INSYN2B: variants seen among roughly 807,000 people sequenced by gnomAD.
INSYN2B encodes inhibitory synaptic factor family member 2B, also known as protein INSYN2B.
In INSYN2B, 16 loss-of-function variants were observed where a neutral mutation model predicts 41.2. The observed-to-expected ratio is 0.39, with a 90% CI of 0.26 to 0.59. INSYN2B has a LOEUF of 0.59. Among genes scored for constraint, INSYN2B ranks in the 20% least tolerant of loss-of-function variants. INSYN2B has a pLI of 0.57. For synonymous variants in INSYN2B, 245 were observed against 244.4 expected, an observed-to-expected ratio of 1.00 and a Z score of -0.02; for missense variants, 608 against 646.4, an observed-to-expected ratio of 0.94 and a Z score of 0.64.
intron 1 of INSYN2B, among the ~76,000 whole-genome samples, chr5:169,886,840 C>G (rs1772998905): frequency 6.6e-6 from 1 of 152,170 alleles, no homozygotes; most frequent in Admixed American, 6.5e-5. Flanking sequence ...AACGATAACT[C>G]ACACAGGCTA....
chr5:169,950,345 G>A (rs964312574), intron 1 of INSYN2B, among the ~76,000 whole-genome samples: 2 of 152,192 alleles, frequency 1.3e-5, no homozygotes, highest in African/African-American at 4.8e-5. Flanking sequence ...TATATGCAAA[G>A]CGCTTAGTGT....
intron 1 of INSYN2B, among the ~76,000 whole-genome samples, chr5:169,919,270 G>A (rs933649162): frequency 2.6e-5 from 4 of 152,140 alleles, no homozygotes; most frequent in African/African-American, 9.7e-5. Flanking sequence ...GCAGAGGTGG[G>A]GCCCAAATGA....
At chr5:169,933,011 A>G (rs1328250879) in intron 1 of INSYN2B, among the ~76,000 whole-genome samples, 1 of 152,218 alleles carries the variant, frequency 6.6e-6, no homozygotes, top group Non-Finnish European at 1.5e-5. Flanking sequence ...ATTCTCTGCA[A>G]AGAAATGGTT....
At chr5:169,932,860 C>T (rs1034315184) in intron 1 of INSYN2B, among the ~76,000 whole-genome samples, 9 of 149,770 alleles carry the variant, frequency 6.0e-5, no homozygotes, top group African/African-American at 2.2e-4. Context: ...TTTCCCAGGG[C>T]CAAATAAAAA....
At chr5:169,893,042 T>C (rs971382372) in intron 1 of INSYN2B, among the ~76,000 whole-genome samples, 5 of 152,196 alleles carry the variant, frequency 3.3e-5, no homozygotes, top group African/African-American at 4.8e-5. Context: ...TTTGTTCCTC[T>C]CTAGCCCCTT....
intron 3 of INSYN2B, among the ~76,000 whole-genome samples, chr5:169,865,984 C>T (rs1326421334): frequency 6.6e-6 from 1 of 152,068 alleles, no homozygotes; most frequent in African/African-American, 2.4e-5. Context: ...AAGAGTGCCT[C>T]GTCCCTGAGC....
In INSYN2B at chr5:169,862,568, A is replaced by T. The variant is rs1278301879; in HGVS notation, c.*1705T>A. 6.6e-6 allele frequency among the ~76,000 whole-genome samples: 1 copy of T among 152,230 alleles called. No individual in the cohort carries two copies. The highest frequency in any genetic ancestry group is 1.5e-5 in the Non-Finnish European group (1 of 68,034). ...TATCTTATTGAAATGTGGCTTCTTAAGTATGACAAGTGTATTTATCTTAAT... is the reference window on the plus strand; with the variant it reads ...TATCTTATTGAAATGTGGCTTCTTATGTATGACAAGTGTATTTATCTTAAT... On this transcript the variant is annotated 3_prime_UTR_variant, in exon 4 of 4. Transcript: ENST00000377365.
intron 1 of INSYN2B, among the ~76,000 whole-genome samples, chr5:169,960,644 C>T (rs1777045490): frequency 6.6e-6 from 1 of 152,178 alleles, no homozygotes; most frequent in Admixed American, 6.5e-5. Flanking sequence ...CATTAGTCAC[C>T]TGTACTTGTG....
chr5:169,928,827 G>A (rs1331274102), intron 1 of INSYN2B, among the ~76,000 whole-genome samples: 2 of 152,208 alleles, frequency 1.3e-5, no homozygotes, highest in Non-Finnish European at 2.9e-5. Flanking sequence ...TACTACACAA[G>A]TAATTACTCA....
intron 1 of INSYN2B, among the ~76,000 whole-genome samples, chr5:169,911,709 C>T (rs1367748571): frequency 6.6e-6 from 1 of 152,194 alleles, no homozygotes; most frequent in Non-Finnish European, 1.5e-5. Flanking sequence ...GTTGGTGCTA[C>T]AGAGATGGTA....
At chr5:169,903,777 T>A (rs1414377634) in intron 1 of INSYN2B, among the ~76,000 whole-genome samples, 1 of 151,990 alleles carries the variant, frequency 6.6e-6, no homozygotes, top group African/African-American at 2.4e-5. Context: ...GACTTAACCC[T>A]AAGAGCAGTG....
At position 169,877,794 on chromosome 5, in the gene INSYN2B, G is replaced by C. The variant is rs187290639; in HGVS notation, c.1421+3574C>G. On this transcript the variant is annotated intron_variant, in intron 3 of 3. Transcript: ENST00000377365. ...AAGACGAGGAGCAGTCTGTCCAGGT[G>C]GACCCTGGACAAACAAAACCTCTTC... 3.4e-4 allele frequency among the ~76,000 whole-genome samples: 51 copies of C among 152,208 alleles called. 1 individual carries two copies. Among genetic ancestry groups the C allele is most frequent in the African/African-American group, 1.2e-3 (49 of 41,538 alleles).
Position 169,956,875 on chromosome 5 carries a change from G to A in INSYN2B, c.-919+23402C>T, listed in dbSNP as rs76271069. Among the ~76,000 whole-genome samples, 1,223 of 152,256 alleles carry A rather than the reference G, an allele frequency of 8.0e-3. 63 individuals carry two copies. The East Asian group carries it at 0.13, about 17-fold the overall frequency. ...GGAATGCATCAAATATAAGGAAAAT[G>A]TGTAGGATGTTTCTGTATTGGCCAA... On this transcript the variant is annotated intron_variant, in intron 1 of 3. Transcript: ENST00000377365.
At chr5:169,953,948 T>A (rs1318958822) in intron 1 of INSYN2B, among the ~76,000 whole-genome samples, 5 of 152,160 alleles carry the variant, frequency 3.3e-5, no homozygotes, top group Non-Finnish European at 1.5e-5. Flanking sequence ...ATTAAGTGAG[T>A]TAATGCATGG....
intron 3 of INSYN2B, among the ~76,000 whole-genome samples, chr5:169,876,510 G>C (rs576024087): frequency 6.6e-6 from 1 of 152,310 alleles, no homozygotes; most frequent in African/African-American, 2.4e-5. Context: ...TCCCACTACA[G>C]TCAGGACAGA....
At chr5:169,939,417 G>A (rs1017235949) in intron 1 of INSYN2B, among the ~76,000 whole-genome samples, 29 of 152,138 alleles carry the variant, frequency 1.9e-4, no homozygotes, top group African/African-American at 4.8e-4. Context: ...TGAAGGACCT[G>A]CCTGAGGCTG....
intron 1 of INSYN2B, among the ~76,000 whole-genome samples, chr5:169,918,590 C>G (rs1775002834): frequency 6.6e-6 from 1 of 152,146 alleles, no homozygotes; most frequent in Admixed American, 6.5e-5. Flanking sequence ...AGAATATTGT[C>G]CAATATGATA....
rs573517852 is a variant in INSYN2B at position 169,935,665 on chromosome 5, C to T, written c.-919+44612G>A. On this transcript the variant is annotated intron_variant, in intron 1 of 3. Coordinates refer to ENST00000377365, the MANE Select transcript of INSYN2B (RefSeq NM_001129891.3). Reference sequence around the variant, plus strand: ...GAGGTGGTGATGAACGTTGCCGATGCGGTGAAGTCATCCTTCATCACTGTG... The same window carrying T: ...GAGGTGGTGATGAACGTTGCCGATGTGGTGAAGTCATCCTTCATCACTGTG... Among the ~76,000 whole-genome samples, 487 of 152,280 alleles carry T rather than the reference C, an allele frequency of 3.2e-3. 4 individuals are homozygous for T. Among genetic ancestry groups the T allele is most frequent in the Non-Finnish European group, 5.2e-3 (356 of 68,022 alleles).
At chr5:169,896,023 C>T (rs1421400033) in intron 1 of INSYN2B, among the ~76,000 whole-genome samples, 1 of 152,208 alleles carries the variant, frequency 6.6e-6, no homozygotes, top group Non-Finnish European at 1.5e-5. Flanking sequence ...TGGCCACCCT[C>T]CATGATCCTT....
Sources: gnomAD v4.1 joint callset for allele counts (sites outside exome capture counted in the v4.1 genomes callset) on GRCh38, gnomAD v4.1.1 for gene constraint, MANE v1.5 for transcripts, NCBI Gene and HGNC (gene_info 2026-07-23, HGNC 2026-07-21) for gene names.